The following GOLM1 variants were observed in gnomAD, a reference collection of about 807,000 sequenced individuals.
GOLM1 encodes golgi membrane protein 1, also known as epididymis luminal protein 46.
In GOLM1, 31 loss-of-function variants were observed where a neutral mutation model predicts 50.5. The observed-to-expected ratio is 0.61, with a 90% confidence interval of 0.46 to 0.83. The LOEUF (loss-of-function observed/expected upper bound fraction) is 0.83, where lower values mean the gene tolerates loss of function less well. Ranked by LOEUF, GOLM1 falls within the 40% of genes least tolerant of loss-of-function variation. The pLI is 0.00. For missense variants in GOLM1, 491 were observed against 501.3 expected (o/e 0.98, Z 0.20); for synonymous variants, 178 against 192.8 (o/e 0.92, Z 0.64).
intron 5 of GOLM1, among the ~76,000 whole-genome samples, chr9:86,043,145 G>GA (rs1833414054): frequency 6.6e-6 from 1 of 152,182 alleles, no homozygotes; most frequent in African/African-American, 2.4e-5. Context: ...GTCAACATTG[G>GA]AAACTGTCTC....
intron 1 of GOLM1, among the ~76,000 whole-genome samples, chr9:86,083,213 A>C (rs1834839669): frequency 6.6e-6 from 1 of 152,242 alleles, no homozygotes; most frequent in African/African-American, 2.4e-5. Context: ...ATACTATGTG[A>C]ATCCAACCCA....
intron 3 of GOLM1, among the ~76,000 whole-genome samples, chr9:86,068,662 G>A (rs1446637420): frequency 1.3e-5 from 2 of 152,234 alleles, no homozygotes. Flanking sequence ...CGTTCCCACT[G>A]AGCTTTCCCA....
In GOLM1 at chr9:86,026,467, T is replaced by G. The variant is rs1347382267; in HGVS notation, c.*1350A>C. On this transcript the variant is annotated 3_prime_UTR_variant, in exon 10 of 10. Transcript: ENST00000388712. ...CTGTAGTCCCAGCTACTCGGGAGTCTGTGTGAGGCCAGGGGTGCCAGCGCA... is the reference window on the plus strand; with the variant it reads ...CTGTAGTCCCAGCTACTCGGGAGTCGGTGTGAGGCCAGGGGTGCCAGCGCA... 1.0e-6 allele frequency: 1 copy of G among 963,100 alleles called. No individual in the cohort carries two copies. Among genetic ancestry groups the G allele is most frequent in the Non-Finnish European group, 1.2e-6 (1 of 809,714 alleles). The allele number at this position is 963,100 out of a possible 1,614,324, so 59.7% of individuals were successfully genotyped here.
At chr9:86,057,876 A>T (rs1415077343) in intron 3 of GOLM1, among the ~76,000 whole-genome samples, 1 of 152,188 alleles carries the variant, frequency 6.6e-6, no homozygotes, top group East Asian at 1.9e-4. Flanking sequence ...AAGGTGACTT[A>T]ACTACTGTAT....
intron 3 of GOLM1, 88 bp downstream of exon 3, chr9:86,077,324 C>T (rs576093690): frequency 6.4e-5 from 67 of 1,054,930 alleles, no homozygotes; most frequent in Middle Eastern, 2.0e-4. Context: ...TAAACCCAGC[C>T]GCTTGCTCAT....
At chr9:86,072,883 T>G (rs571321401) in intron 3 of GOLM1, among the ~76,000 whole-genome samples, 19 of 152,268 alleles carry the variant, frequency 1.2e-4, no homozygotes, top group African/African-American at 4.3e-4. Flanking sequence ...TACTGAATAC[T>G]GCAGGCCTTG....
intron 9 of GOLM1, among the ~76,000 whole-genome samples, 174 bp from the exon 10 acceptor site, chr9:86,028,067 TATGGG>T (rs1380226582): frequency 1.3e-5 from 2 of 151,762 alleles, no homozygotes; most frequent in Admixed American, 6.6e-5. Flanking sequence ...GCAACGGTGA[TATGGG>T]AGGGGGACAG....
intron 3 of GOLM1, among the ~76,000 whole-genome samples, chr9:86,053,643 C>CCACTCCACACCAAACCA (rs1833879628): frequency 4.9e-4 from 1 of 2,038 alleles, no homozygotes. Context: ...AAAACACACA[C>CCACTCCACACCAAACCA]CACACCATGC....
intron 5 of GOLM1, among the ~76,000 whole-genome samples, 181 bp from the exon 6 acceptor site, chr9:86,041,049 A>C (rs548813652): frequency 1.3e-5 from 2 of 152,356 alleles, no homozygotes; most frequent in South Asian, 4.1e-4. Context: ...CAAAAGAAAC[A>C]CACTAAAAAT....
intron 3 of GOLM1, among the ~76,000 whole-genome samples, chr9:86,065,762 C>T (rs558190255): frequency 6.6e-6 from 1 of 152,310 alleles, no homozygotes; most frequent in Non-Finnish European, 1.5e-5. Flanking sequence ...TCATGTCGGG[C>T]TGGGTGCGGT....
intron 4 of GOLM1, among the ~76,000 whole-genome samples, chr9:86,049,003 T>G (rs1361686966): frequency 6.6e-6 from 1 of 152,194 alleles, no homozygotes; most frequent in African/African-American, 2.4e-5. Flanking sequence ...GTTTTTATGG[T>G]TTTAGGTCTA....
chr9:86,026,536 G>GA lies in GOLM1; in HGVS notation c.*1280dup. The GA allele has an allele frequency of 1.1e-6, 1 of 885,208 alleles. No individual in the cohort carries two copies. The highest frequency in any genetic ancestry group is 5.2e-5 in the South Asian group (1 of 19,322). 54.8% of individuals were successfully genotyped at this position (885,208 alleles called of 1,614,324 possible). ...ACTTCTAGGCCCCATTTTCCCCTCT[G>GA]AAAATAAGAGGGTTGGATCAAACGA... On this transcript the variant is annotated 3_prime_UTR_variant, in exon 10 of 10. Coordinates refer to ENST00000388712, the MANE Select transcript of GOLM1 (RefSeq NM_016548.4).
chr9:86,069,466 G>C (rs1225579159), intron 3 of GOLM1, among the ~76,000 whole-genome samples: 2 of 152,198 alleles, frequency 1.3e-5, no homozygotes, highest in Admixed American at 6.5e-5. Context: ...AAAGGAAACG[G>C]AAATGGCAGC....
rs1160328811 is a variant in GOLM1 at position 86,070,570 on chromosome 9, CA to C, written c.309+6841del. ...TGGGCGACAGAGCGAGACTCCACCTCAAAAAAAAAAAACAAAAAAAACCTGA... is the reference window on the plus strand; with the variant it reads ...TGGGCGACAGAGCGAGACTCCACCTCAAAAAAAAAAACAAAAAAAACCTGA... On this transcript the variant is annotated intron_variant, in intron 3 of 9. Coordinates refer to ENST00000388712, the MANE Select transcript of GOLM1 (RefSeq NM_016548.4). 9.7e-4 allele frequency among the ~76,000 whole-genome samples: 117 copies of C among 121,168 alleles called. 1 individual carries two copies. Among genetic ancestry groups the C allele is most frequent in the East Asian group, 7.3e-3 (31 of 4,252 alleles). 79.5% of individuals were successfully genotyped at this position (121,168 alleles called of 152,430 possible). A position where few individuals can be genotyped will look rare whatever the true frequency, so the allele number is the denominator to read the frequency against.
At chr9:86,029,042 A>T (rs1004288384) in intron 9 of GOLM1, among the ~76,000 whole-genome samples, 1 of 151,910 alleles carries the variant, frequency 6.6e-6, no homozygotes, top group Non-Finnish European at 1.5e-5. Context: ...TAGTTTTAGT[A>T]GAGGCGGGTT....
Position 86,026,466 on chromosome 9 carries a change from CTG to C in GOLM1, c.*1349_*1350del, listed in dbSNP as rs1279040518. The C allele has an allele frequency of 2.1e-6, 2 of 962,944 alleles. No individual in the cohort carries two copies. The highest frequency in any genetic ancestry group is 1.8e-5 in the African/African-American group (1 of 56,706). The allele number at this position is 962,944 out of a possible 1,614,324, so 59.6% of individuals were successfully genotyped here. A position where few individuals can be genotyped will look rare whatever the true frequency, so the allele number is the denominator to read the frequency against. On this transcript the variant is annotated 3_prime_UTR_variant, in exon 10 of 10. Coordinates refer to ENST00000388712, the MANE Select transcript of GOLM1 (RefSeq NM_016548.4). ...CCTGTAGTCCCAGCTACTCGGGAGT[CTG>C]TGTGAGGCCAGGGGTGCCAGCGCAC...
intron 3 of GOLM1, among the ~76,000 whole-genome samples, chr9:86,053,542 C>T (rs1455312858): frequency 2.9e-5 from 3 of 101,782 alleles, no homozygotes; most frequent in Non-Finnish European, 4.9e-5. Context: ...CACCAAACCA[C>T]ACCAAACACA....
intron 3 of GOLM1, 90 bp downstream of exon 3, chr9:86,077,322 G>T (rs1011994906): frequency 2.9e-6 from 3 of 1,039,190 alleles, no homozygotes; most frequent in Non-Finnish European, 3.0e-6. Flanking sequence ...TCTAAACCCA[G>T]CCGCTTGCTC....
At position 86,071,290 on chromosome 9, in the gene GOLM1, G is replaced by A. The variant is rs933955194; in HGVS notation, c.309+6122C>T. On this transcript the variant is annotated intron_variant, in intron 3 of 9. Coordinates refer to ENST00000388712, the MANE Select transcript of GOLM1 (RefSeq NM_016548.4). ...CTTTTTAATTTTCTGTAGAGACAGG[G>A]TCTCAGTATGTTGCCCAGGCTGGTC... 3.3e-5 allele frequency among the ~76,000 whole-genome samples: 5 copies of A among 152,182 alleles called. 2 individuals are homozygous for A. In the South Asian group the frequency reaches 8.3e-4, roughly 25 times the overall value.
Sources: gnomAD v4.1 joint callset for allele counts (sites outside exome capture counted in the v4.1 genomes callset) on GRCh38, gnomAD v4.1.1 for gene constraint, MANE v1.5 for transcripts, NCBI Gene and HGNC (gene_info 2026-07-23, HGNC 2026-07-21) for gene names.